The following CACNA2D3 variants were observed in gnomAD, a reference collection of about 807,000 sequenced individuals.
The protein encoded by CACNA2D3 is voltage-dependent calcium channel subunit alpha-2/delta-3.
In CACNA2D3, 60 loss-of-function variants were observed where a neutral mutation model predicts 160.6. The observed-to-expected ratio is 0.37, with a 90% confidence interval of 0.30 to 0.46. The LOEUF (loss-of-function observed/expected upper bound fraction) is 0.46. Among genes scored for constraint, CACNA2D3 ranks in the 20% least tolerant of loss-of-function variants. CACNA2D3 has a pLI of 1.00. For synonymous variants in CACNA2D3, 558 were observed against 492.9 expected (o/e 1.13, Z -1.75); for missense variants, 1,205 against 1,365.0 (o/e 0.88, Z 1.85).
chr3:54,753,834 T>G (rs1163493200), intron 12 of CACNA2D3, among the ~76,000 whole-genome samples: 1 of 152,208 alleles, frequency 6.6e-6, no homozygotes, highest in African/African-American at 2.4e-5. Context: ...TCAAGGTAAT[T>G]AACATATGTA....
chr3:54,151,472 A>G (rs1700151387), intron 2 of CACNA2D3, among the ~76,000 whole-genome samples: 1 of 152,066 alleles, frequency 6.6e-6, no homozygotes. Context: ...AGATACTTCA[A>G]ATAACTGTGT....
At chr3:54,215,623 G>T (rs11130399) in intron 2 of CACNA2D3, among the ~76,000 whole-genome samples, 52,270 of 152,062 alleles carry the variant, frequency 0.34, 10,079 homozygotes, top group Non-Finnish European at 0.42. Flanking sequence ...ACGGCGATGT[G>T]AGGGTGGGAG....
intron 2 of CACNA2D3, among the ~76,000 whole-genome samples, chr3:54,303,651 G>A (rs904428505): frequency 5.3e-5 from 8 of 152,140 alleles, no homozygotes; most frequent in African/African-American, 1.4e-4. Flanking sequence ...TCTCTCAGGA[G>A]TTGTGCCTGT....
intron 17 of CACNA2D3, among the ~76,000 whole-genome samples, chr3:54,850,284 T>C (rs1699028735): frequency 6.6e-6 from 1 of 152,128 alleles, no homozygotes; most frequent in African/African-American, 2.4e-5. Flanking sequence ...GCAGCACAAG[T>C]GGGGACAGAC....
chr3:54,631,376 GACAA>G (rs574230665), intron 10 of CACNA2D3, among the ~76,000 whole-genome samples: 1 of 152,252 alleles, frequency 6.6e-6, no homozygotes, highest in Admixed American at 6.5e-5. Flanking sequence ...TAAACTCTTT[GACAA>G]ACACAGAGGT....
intron 25 of CACNA2D3, among the ~76,000 whole-genome samples, chr3:54,892,502 G>A (rs1700092828): frequency 6.6e-6 from 1 of 152,214 alleles, no homozygotes; most frequent in Non-Finnish European, 1.5e-5. Context: ...TATTTTAAGA[G>A]ATTGGCTTTG....
In CACNA2D3 at chr3:54,394,066, T is replaced by A. The variant is rs143450106; in HGVS notation, c.381+7292T>A. 1.5e-3 allele frequency among the ~76,000 whole-genome samples: 222 copies of A among 152,266 alleles called. 1 individual carries two copies. Among genetic ancestry groups the A allele is most frequent in the Admixed American group, 4.1e-3 (63 of 15,294 alleles). On this transcript the variant is annotated intron_variant, in intron 4 of 37. Coordinates refer to ENST00000474759, the MANE Select transcript of CACNA2D3 (RefSeq NM_018398.3). ...ACTATGAGGTAGGCATCTCATTCAC[T>A]GGGGCCTGAATTGCCACTGTGCCTG...
intron 10 of CACNA2D3, among the ~76,000 whole-genome samples, chr3:54,636,043 G>A (rs1481601791): frequency 1.1e-4 from 16 of 151,908 alleles, no homozygotes; most frequent in Admixed American, 1.0e-3. Context: ...TTGATGTGTA[G>A]GGAAGGGAGG....
chr3:54,914,754 CA>C (rs1216234877), intron 27 of CACNA2D3, among the ~76,000 whole-genome samples: 1 of 152,152 alleles, frequency 6.6e-6, no homozygotes, highest in African/African-American at 2.4e-5. Flanking sequence ...TAAAGTCATG[CA>C]TGCAGATCAT....
At chr3:54,494,320 A>G (rs1354808234) in intron 4 of CACNA2D3, among the ~76,000 whole-genome samples, 1 of 152,224 alleles carries the variant, frequency 6.6e-6, no homozygotes, top group Non-Finnish European at 1.5e-5. Flanking sequence ...AAATCAATAC[A>G]GAAGAGACAA....
intron 2 of CACNA2D3, among the ~76,000 whole-genome samples, chr3:54,275,656 C>G (rs1415990025): frequency 3.3e-5 from 5 of 151,766 alleles, no homozygotes; most frequent in African/African-American, 1.2e-4. Flanking sequence ...CTCACTCTGT[C>G]ACCCAGGCTG....
intron 5 of CACNA2D3, among the ~76,000 whole-genome samples, chr3:54,519,558 T>G (rs1701612769): frequency 6.6e-6 from 1 of 152,222 alleles, no homozygotes; most frequent in Admixed American, 6.5e-5. Flanking sequence ...GAGCCTTGCC[T>G]CCTTTTCAGG....
intron 13 of CACNA2D3, among the ~76,000 whole-genome samples, chr3:54,792,917 G>T (rs552832280): frequency 1.8e-4 from 27 of 152,250 alleles, no homozygotes; most frequent in Admixed American, 1.7e-3. Flanking sequence ...TCAAAATGCT[G>T]TTGCCAAAAG....
At chr3:54,202,463 G>A (rs1167321587) in intron 2 of CACNA2D3, among the ~76,000 whole-genome samples, 2 of 152,192 alleles carry the variant, frequency 1.3e-5, no homozygotes, top group Non-Finnish European at 2.9e-5. Context: ...CTTGTTTGTT[G>A]CAGTTGCTTC....
At chr3:54,912,638 C>T (rs1443173433) in intron 27 of CACNA2D3, among the ~76,000 whole-genome samples, 3 of 152,104 alleles carry the variant, frequency 2.0e-5, no homozygotes, top group African/African-American at 4.8e-5. Flanking sequence ...CCTTCCTTAT[C>T]ACCACATGTA....
At chr3:54,734,792 G>A (rs907024557) in intron 11 of CACNA2D3, among the ~76,000 whole-genome samples, 4 of 152,170 alleles carry the variant, frequency 2.6e-5, no homozygotes, top group African/African-American at 9.7e-5. Context: ...AACATCCTCG[G>A]CTTCACTCTG....
intron 2 of CACNA2D3, among the ~76,000 whole-genome samples, chr3:54,199,201 T>C (rs1483803768): frequency 6.6e-6 from 1 of 152,148 alleles, no homozygotes; most frequent in Non-Finnish European, 1.5e-5. Flanking sequence ...AATTCAGTAG[T>C]TACTAACTCT....
chr3:54,789,190 ATTG>A (rs1365066521), intron 13 of CACNA2D3, among the ~76,000 whole-genome samples: 1 of 152,194 alleles, frequency 6.6e-6, no homozygotes, highest in Non-Finnish European at 1.5e-5. Flanking sequence ...GATAGGTATT[ATTG>A]TTATCCCTAT....
At position 54,845,193 on chromosome 3, in the gene CACNA2D3, A is replaced by G. The variant is rs114877097; in HGVS notation, c.1552-1200A>G. Among the ~76,000 whole-genome samples, 576 of 152,320 alleles carry G rather than the reference A, an allele frequency of 3.8e-3. 4 individuals carry two copies. Among genetic ancestry groups the G allele is most frequent in the African/African-American group, 0.012 (508 of 41,554 alleles). On this transcript the variant is annotated intron_variant, in intron 16 of 37. Coordinates refer to ENST00000474759, the MANE Select transcript of CACNA2D3 (RefSeq NM_018398.3). ...AAGACGTCTGTTGCCCTTGACTACCATGTGCATATTTGCTTTATGTAGTGC... is the reference window on the plus strand; with the variant it reads ...AAGACGTCTGTTGCCCTTGACTACCGTGTGCATATTTGCTTTATGTAGTGC...
Sources: allele counts gnomAD v4.1 joint callset (sites outside exome capture counted in the v4.1 genomes callset), GRCh38; gene constraint gnomAD v4.1.1; transcripts MANE v1.5; gene names NCBI Gene and HGNC (gene_info 2026-07-23, HGNC 2026-07-21).